ERC2: variants seen among roughly 807,000 people sequenced by gnomAD.
ERC2 encodes ERC protein 2.
In ERC2, 42 loss-of-function variants were observed where a neutral mutation model predicts 114.8. The observed-to-expected ratio is 0.37, with a 90% CI of 0.29 to 0.47. The LOEUF is 0.47. Ranked by LOEUF, ERC2 falls within the 20% of genes least tolerant of loss-of-function variation. The pLI, the probability that ERC2 is intolerant of heterozygous loss-of-function variation, is 0.99. For missense variants in ERC2, 939 were observed against 1,150.7 expected (o/e 0.82, Z 2.66); for synonymous variants, 454 against 425.5 (o/e 1.07, Z -0.82).
chr3:55,885,444 A>G (rs2063312745), intron 14 of ERC2, among the ~76,000 whole-genome samples: 2 of 152,342 alleles, frequency 1.3e-5, no homozygotes, highest in Middle Eastern at 3.4e-3. Context: ...TTGGGCTTCT[A>G]GGCCAGTTAA....
At chr3:55,901,605 A>T (rs1401131418) in intron 13 of ERC2, among the ~76,000 whole-genome samples, 1 of 152,186 alleles carries the variant, frequency 6.6e-6, no homozygotes, top group Non-Finnish European at 1.5e-5. Context: ...CTTCTGTAAA[A>T]GCCCAGTCCC....
intron 6 of ERC2, among the ~76,000 whole-genome samples, chr3:56,099,038 T>C (rs2078211095): frequency 6.6e-6 from 1 of 152,182 alleles, no homozygotes; most frequent in Non-Finnish European, 1.5e-5. Flanking sequence ...ATCTCAAAAT[T>C]AGATCATCCT....
intron 7 of ERC2, among the ~76,000 whole-genome samples, chr3:56,063,755 T>C (rs1195780990): frequency 1.3e-5 from 2 of 152,234 alleles, no homozygotes; most frequent in Non-Finnish European, 2.9e-5. Context: ...GTTATGTCTG[T>C]GTATAAAGTT....
chr3:56,356,376 C>T (rs945865449), intron 2 of ERC2, among the ~76,000 whole-genome samples: 1 of 152,212 alleles, frequency 6.6e-6, no homozygotes, highest in African/African-American at 2.4e-5. Flanking sequence ...TGAAGTTCAT[C>T]TGAGCATTGG....
chr3:56,388,971 G>T (rs191661974), intron 2 of ERC2, among the ~76,000 whole-genome samples: 2 of 152,140 alleles, frequency 1.3e-5, no homozygotes, highest in Non-Finnish European at 2.9e-5. Flanking sequence ...GACAGAAAGA[G>T]AAATTTATGA....
chr3:56,065,598 T>C (rs1021650183), intron 7 of ERC2, among the ~76,000 whole-genome samples: 1 of 152,094 alleles, frequency 6.6e-6, no homozygotes, highest in Non-Finnish European at 1.5e-5. Flanking sequence ...CATAGGTTAA[T>C]GTGTGCCACG....
At position 56,033,038 on chromosome 3, in the gene ERC2, AAG is replaced by A. The variant is rs1275181529; in HGVS notation, c.1642-14009_1642-14008del. 4.7e-3 allele frequency among the ~76,000 whole-genome samples: 352 copies of A among 74,196 alleles called. 3 individuals carry two copies. Among genetic ancestry groups the A allele is most frequent in the East Asian group, 9.9e-3 (28 of 2,822 alleles). 48.7% of individuals were successfully genotyped at this position (74,196 alleles called of 152,430 possible). On this transcript the variant is annotated intron_variant, in intron 7 of 17. Coordinates refer to ENST00000288221, the MANE Select transcript of ERC2 (RefSeq NM_015576.3). Reference sequence around the variant, plus strand: ...AAGAAAGAAAAAAGAAACAGAAAGAAAGAAAGAAAGAAAGAAAGAAAGAAAGA... The same window carrying A: ...AAGAAAGAAAAAAGAAACAGAAAGAAAAAGAAAGAAAGAAAGAAAGAAAGA...
chr3:55,676,861 C>T (rs932943963), intron 17 of ERC2, among the ~76,000 whole-genome samples: 4 of 152,182 alleles, frequency 2.6e-5, no homozygotes, highest in Admixed American at 6.5e-5. Context: ...AGACGCCTCC[C>T]GCCTCTGGCC....
chr3:55,960,265 C>T (rs1315133608), intron 12 of ERC2, among the ~76,000 whole-genome samples: 8 of 152,150 alleles, frequency 5.3e-5, no homozygotes, highest in Non-Finnish European at 1.0e-4. Context: ...CTTTGCTGGC[C>T]AGTCTCATCC....
At chr3:56,145,633 A>C (rs1378048893) in intron 5 of ERC2, among the ~76,000 whole-genome samples, 1 of 152,120 alleles carries the variant, frequency 6.6e-6, no homozygotes, top group Non-Finnish European at 1.5e-5. Context: ...TTCATGTGCC[A>C]AAGGACTTGC....
intron 3 of ERC2, among the ~76,000 whole-genome samples, chr3:56,196,527 C>A: frequency 6.9e-6 from 1 of 145,902 alleles, no homozygotes; most frequent in Non-Finnish European, 1.5e-5. Flanking sequence ...ATATCAAAGA[C>A]CAAAACTTCT....
At chr3:56,063,702 T>C (rs1218619324) in intron 7 of ERC2, among the ~76,000 whole-genome samples, 1 of 152,314 alleles carries the variant, frequency 6.6e-6, no homozygotes, top group East Asian at 1.9e-4. Context: ...TTCATGCCCT[T>C]AATAAACTAA....
intron 7 of ERC2, among the ~76,000 whole-genome samples, chr3:56,062,649 A>G (rs529703692): frequency 3.9e-5 from 6 of 152,284 alleles, no homozygotes; most frequent in African/African-American, 1.2e-4. Context: ...TTGCACACAC[A>G]TGAACACACA....
At chr3:55,967,253 T>G (rs1458059) in intron 12 of ERC2, among the ~76,000 whole-genome samples, 1 of 152,092 alleles carries the variant, frequency 6.6e-6, no homozygotes, top group African/African-American at 2.4e-5. Flanking sequence ...AAAGTCATAT[T>G]GTATAGATGG....
At chr3:55,995,264 C>T (rs746416842) in intron 10 of ERC2, among the ~76,000 whole-genome samples, 7 of 152,072 alleles carry the variant, frequency 4.6e-5, no homozygotes, top group Admixed American at 1.3e-4. Context: ...ACCCAGGAGG[C>T]GGAGGTTTCA....
intron 14 of ERC2, among the ~76,000 whole-genome samples, chr3:55,866,892 C>G (rs1338166841): frequency 6.6e-6 from 1 of 151,776 alleles, no homozygotes; most frequent in Non-Finnish European, 1.5e-5. Context: ...TAAAATTCCC[C>G]CAAAATTGAT....
At chr3:55,886,338 T>G (rs1258539702) in intron 14 of ERC2, among the ~76,000 whole-genome samples, 1 of 152,216 alleles carries the variant, frequency 6.6e-6, no homozygotes, top group Non-Finnish European at 1.5e-5. Context: ...TTTCAGTATT[T>G]TTAATCTCCA....
Position 56,173,528 on chromosome 3 carries a change from GGA to G in ERC2, c.1075-10_1075-9del. On this transcript the variant is annotated splice_polypyrimidine_tract_variant and intron_variant, in intron 3 of 17. Transcript: ENST00000288221. ...GCTTCTTCGGTGCAATTCCTGGGGAGGAACACGATAGAAATAAGCCTGACGGT... is the reference window on the plus strand; with the variant it reads ...GCTTCTTCGGTGCAATTCCTGGGGAGACACGATAGAAATAAGCCTGACGGT... 1 of 1,613,458 alleles carries G rather than the reference GGA, an allele frequency of 6.2e-7. No individual in the cohort carries two copies. The highest frequency in any genetic ancestry group is 8.5e-7 in the Non-Finnish European group (1 of 1,179,516).
At chr3:56,106,215 A>G (rs1357688549) in intron 6 of ERC2, among the ~76,000 whole-genome samples, 1 of 152,228 alleles carries the variant, frequency 6.6e-6, no homozygotes, top group African/African-American at 2.4e-5. Flanking sequence ...TTCGCTAGGC[A>G]GAAGGTTCAA....
Sources: allele counts gnomAD v4.1 joint callset (sites outside exome capture counted in the v4.1 genomes callset), GRCh38; gene constraint gnomAD v4.1.1; transcripts MANE v1.5; gene names NCBI Gene and HGNC (gene_info 2026-07-23, HGNC 2026-07-21).